KAZN: variants seen among roughly 807,000 people sequenced by gnomAD.
KAZN encodes kazrin, periplakin interacting protein.
In KAZN, 40 loss-of-function variants were observed where a neutral mutation model predicts 87.4. The ratio of observed to expected loss-of-function variants is 0.46; its 90% CI spans 0.36 to 0.60. KAZN has a LOEUF of 0.60. KAZN is among the 20% of genes least tolerant of loss of function. The probability of loss-of-function intolerance (pLI) is 0.00; values close to 1 mark genes in which losing one functional copy is unlikely to be tolerated. For synonymous variants in KAZN, 466 were observed against 458.3 expected (o/e 1.02, Z -0.22); for missense variants, 898 against 1,073.9 (o/e 0.84, Z 2.29).
At chr1:14,442,574 G>A (rs1241133988) in intron 2 of KAZN, among the ~76,000 whole-genome samples, 1 of 152,190 alleles carries the variant, frequency 6.6e-6, no homozygotes, top group African/African-American at 2.4e-5. Flanking sequence ...TGTTGCTGCT[G>A]GGTTAACCTG....
intron 2 of KAZN, among the ~76,000 whole-genome samples, chr1:15,027,446 G>A (rs1222109068): frequency 6.6e-6 from 1 of 152,178 alleles, no homozygotes; most frequent in Non-Finnish European, 1.5e-5. Flanking sequence ...GACTCTCTGT[G>A]CATTGGGCAT....
intron 1 of KAZN, among the ~76,000 whole-genome samples, chr1:14,803,126 G>A (rs1456701016): frequency 6.6e-6 from 1 of 152,200 alleles, no homozygotes; most frequent in Non-Finnish European, 1.5e-5. Context: ...ACCGTTTACT[G>A]AGGGCTCCTT....
intron 1 of KAZN, among the ~76,000 whole-genome samples, chr1:14,156,467 C>T (rs546815921): frequency 6.6e-6 from 1 of 152,198 alleles, no homozygotes; most frequent in East Asian, 1.9e-4. Context: ...GTATTGGAGT[C>T]TATCTCTCTC....
intron 1 of KAZN, among the ~76,000 whole-genome samples, chr1:13,894,543 A>T (rs147952836): frequency 5.3e-5 from 8 of 152,298 alleles, no homozygotes; most frequent in Admixed American, 2.6e-4. Context: ...TTTGGCGTTA[A>T]TTCTCACTGG....
chr1:14,176,243 G>A (rs893447496), intron 1 of KAZN, among the ~76,000 whole-genome samples: 1 of 152,012 alleles, frequency 6.6e-6, no homozygotes, highest in Non-Finnish European at 1.5e-5. Flanking sequence ...TCTTGTCCTG[G>A]GATGTATAGC....
chr1:15,030,486 C>T (rs1671584262), intron 2 of KAZN, among the ~76,000 whole-genome samples: 1 of 152,124 alleles, frequency 6.6e-6, no homozygotes, highest in Non-Finnish European at 1.5e-5. Flanking sequence ...AGGCTGGTCT[C>T]GAACTCCTGA....
At chr1:14,049,635 C>T (rs1284544078) in intron 1 of KAZN, among the ~76,000 whole-genome samples, 1 of 152,184 alleles carries the variant, frequency 6.6e-6, no homozygotes, top group Non-Finnish European at 1.5e-5. Context: ...CCCTCTCTTC[C>T]TTCCTTTTTT....
At chr1:14,866,197 TCTC>T (rs1651437166) in intron 1 of KAZN, among the ~76,000 whole-genome samples, 1 of 152,094 alleles carries the variant, frequency 6.6e-6, no homozygotes, top group Admixed American at 6.6e-5. Context: ...ACTCAGCTCT[TCTC>T]CTGTCCCATC....
chr1:14,125,741 A>G (rs1644850091), intron 1 of KAZN, among the ~76,000 whole-genome samples: 2 of 152,166 alleles, frequency 1.3e-5, no homozygotes, highest in African/African-American at 4.8e-5. Flanking sequence ...GCCACAGGAA[A>G]TGAATGCAGT....
At chr1:14,685,539 C>T (rs1230720159) in intron 1 of KAZN, among the ~76,000 whole-genome samples, 16 of 152,210 alleles carry the variant, frequency 1.1e-4, no homozygotes, top group Non-Finnish European at 1.5e-5. Flanking sequence ...TCCAAATGCT[C>T]TTGGCGGCAT....
At chr1:14,261,893 G>A (rs1035232514) in intron 2 of KAZN, among the ~76,000 whole-genome samples, 5 of 152,112 alleles carry the variant, frequency 3.3e-5, no homozygotes, top group African/African-American at 1.2e-4. Flanking sequence ...AGCTGAAGGA[G>A]GTCATCCGAG....
chr1:14,267,705 C>T (rs757930934), intron 2 of KAZN, among the ~76,000 whole-genome samples: 18 of 152,166 alleles, frequency 1.2e-4, no homozygotes, highest in Non-Finnish European at 2.5e-4. Flanking sequence ...CAGGCACTCA[C>T]GCCTGTAATC....
intron 10 of KAZN, among the ~76,000 whole-genome samples, chr1:15,101,164 T>TCTCTCTCTCTCTCTCTCTCTCTC (rs1553190085): frequency 3.1e-5 from 4 of 127,768 alleles, no homozygotes; most frequent in Admixed American, 2.5e-4. Flanking sequence ...GTCTCGGTCT[T>TCTCTCTCTCTCTCTCTCTCTCTC]TCTCTCTCTC....
intron 2 of KAZN, among the ~76,000 whole-genome samples, chr1:14,591,042 C>T (rs1005840170): frequency 2.0e-5 from 3 of 152,068 alleles, no homozygotes; most frequent in Non-Finnish European, 1.5e-5. Context: ...AGGGTGCCTT[C>T]GCTAAAATGG....
chr1:14,415,872 C>G (rs551552046), intron 2 of KAZN, among the ~76,000 whole-genome samples: 1 of 152,194 alleles, frequency 6.6e-6, no homozygotes, highest in African/African-American at 2.4e-5. Context: ...TACTTGAAAG[C>G]AGAAGGCGTG....
At chr1:14,809,444 G>A (rs1209124721) in intron 1 of KAZN, among the ~76,000 whole-genome samples, 1 of 152,130 alleles carries the variant, frequency 6.6e-6, no homozygotes, top group Non-Finnish European at 1.5e-5. Context: ...CCTATGTGCC[G>A]GTTGGTACCA....
At chr1:15,036,083 A>T in intron 3 of KAZN, among the ~76,000 whole-genome samples, 1 of 151,772 alleles carries the variant, frequency 6.6e-6, no homozygotes, top group East Asian at 1.9e-4. Context: ...CATGCACATC[A>T]CTTCCTTTCT....
chr1:13,978,494 A>AC (rs1491183715), intron 1 of KAZN, among the ~76,000 whole-genome samples: 1 of 100,806 alleles, frequency 9.9e-6, no homozygotes, highest in Non-Finnish European at 2.2e-5. Context: ...ATATAGAGAT[A>AC]AATATATATA....
chr1:14,068,398 T>C (rs1404869855), intron 1 of KAZN, among the ~76,000 whole-genome samples: 1 of 152,220 alleles, frequency 6.6e-6, no homozygotes, highest in African/African-American at 2.4e-5. Context: ...GAAAAATACC[T>C]GGTAAGCTGT....
Sources: gnomAD v4.1 joint callset for allele counts (sites outside exome capture counted in the v4.1 genomes callset) on GRCh38, gnomAD v4.1.1 for gene constraint, MANE v1.5 for transcripts, NCBI Gene and HGNC (gene_info 2026-07-23, HGNC 2026-07-21) for gene names.